The following SNAP91 variants were observed in gnomAD, a reference collection of about 807,000 sequenced individuals.
SNAP91 encodes clathrin coat assembly protein AP180.
SNAP91 carries 27 observed loss-of-function variants against 100.3 expected under a neutral mutation model. The ratio of observed to expected loss-of-function variants is 0.27; its 90% CI spans 0.20 to 0.37. The LOEUF is 0.37. SNAP91 is among the 10% of genes least tolerant of loss of function. The pLI, the probability that SNAP91 is intolerant of heterozygous loss-of-function variation, is 1.00. For missense variants in SNAP91, 986 were observed against 1,123.7 expected (o/e 0.88, Z 1.75); for synonymous variants, 404 against 398.6 (o/e 1.01, Z -0.16).
Position 83,635,945 on chromosome 6 carries a change from T to A in SNAP91, c.765+5151A>T, listed in dbSNP as rs182821167. Among the ~76,000 whole-genome samples, 277 of 152,310 alleles carry A rather than the reference T, an allele frequency of 1.8e-3. 2 individuals are homozygous for A. The highest frequency in any genetic ancestry group is 6.4e-3 in the African/African-American group (266 of 41,566). On this transcript the variant is annotated intron_variant, in intron 8 of 29. Coordinates refer to ENST00000369694, the MANE Select transcript of SNAP91 (RefSeq NM_001242792.2). ...CACTTATGAAGCTTAGTTTGGTAGGTTATGAAATTCTTAGTTGGAAATTCT... is the reference window on the plus strand; with the variant it reads ...CACTTATGAAGCTTAGTTTGGTAGGATATGAAATTCTTAGTTGGAAATTCT...
At chr6:83,578,010 C>T (rs1341448272) in intron 24 of SNAP91, among the ~76,000 whole-genome samples, 2 of 152,156 alleles carry the variant, frequency 1.3e-5, no homozygotes, top group Non-Finnish European at 2.9e-5. Flanking sequence ...TTTCACTTGG[C>T]ATGTTTTCAC....
chr6:83,571,621 T>C (rs1205973187), intron 26 of SNAP91, among the ~76,000 whole-genome samples: 1 of 152,224 alleles, frequency 6.6e-6, no homozygotes, highest in Non-Finnish European at 1.5e-5. Flanking sequence ...TTGCTTTTGA[T>C]TTTACAGGCT....
At chr6:83,559,719 G>A (rs1157298945) in intron 28 of SNAP91, among the ~76,000 whole-genome samples, 3 of 152,250 alleles carry the variant, frequency 2.0e-5, no homozygotes, top group Non-Finnish European at 4.4e-5. Flanking sequence ...TTAGTGTCAC[G>A]AGTCTTGGGT....
intron 11 of SNAP91, chr6:83,611,309 G>A (rs868520261): frequency 6.3e-6 from 2 of 318,606 alleles, no homozygotes; most frequent in South Asian, 2.4e-5. Context: ...CAGCAACTTC[G>A]ATGCTTTTTT....
intron 8 of SNAP91, among the ~76,000 whole-genome samples, chr6:83,638,981 G>A (rs2097568535): frequency 6.6e-6 from 1 of 152,148 alleles, no homozygotes; most frequent in African/African-American, 2.4e-5. Context: ...TGCCATAGGA[G>A]ACTTCAGATA....
In SNAP91 at chr6:83,678,821, T is replaced by C. The variant is rs192880969; in HGVS notation, c.131-13240A>G. 7.5e-3 allele frequency: 9,623 copies of C among 1,282,538 alleles called. 52 individuals are homozygous for C. Among genetic ancestry groups the C allele is most frequent in the Non-Finnish European group, 9.1e-3 (8,955 of 986,126 alleles). 79.4% of individuals were successfully genotyped at this position (1,282,538 alleles called of 1,614,324 possible). On this transcript the variant is annotated intron_variant, in intron 2 of 29. Coordinates refer to ENST00000369694, the MANE Select transcript of SNAP91 (RefSeq NM_001242792.2). ...CCCTCATCTTACTTCCTAGGAGGAA[T>C]CATCCAATAAAAATCCAAGTCTGTT...
chr6:83,670,667 T>C (rs1010454317), intron 2 of SNAP91, among the ~76,000 whole-genome samples: 1 of 152,006 alleles, frequency 6.6e-6, no homozygotes. Context: ...CAATAATACA[T>C]TGTTAGTTTT....
chr6:83,640,041 T>A (rs1487523823), intron 8 of SNAP91, among the ~76,000 whole-genome samples: 4 of 152,200 alleles, frequency 2.6e-5, no homozygotes, highest in African/African-American at 9.6e-5. Flanking sequence ...TGCTTTAATG[T>A]ATATACAATT....
At chr6:83,639,751 A>C (rs117173024) in intron 8 of SNAP91, among the ~76,000 whole-genome samples, 3,483 of 152,252 alleles carry the variant, frequency 0.023, 57 homozygotes, top group Admixed American at 0.038. Context: ...CCAGCTCCTT[A>C]CTTACATACA....
chr6:83,610,737 A>ATATATG (rs2095985301), intron 11 of SNAP91, 60 bp from the exon 12 acceptor site: 1 of 191,120 alleles, frequency 5.2e-6, no homozygotes, highest in African/African-American at 4.8e-5. Context: ...ATATATATAT[A>ATATATG]TATATATATA....
chr6:83,629,868 C>T (rs2097136424), intron 8 of SNAP91, among the ~76,000 whole-genome samples: 1 of 152,046 alleles, frequency 6.6e-6, no homozygotes, highest in Admixed American at 6.6e-5. Flanking sequence ...ATTGCTCTGG[C>T]TAGGACTTCC....
intron 2 of SNAP91, among the ~76,000 whole-genome samples, chr6:83,685,780 C>T (rs1264924156): frequency 6.6e-6 from 1 of 152,192 alleles, no homozygotes; most frequent in Admixed American, 6.5e-5. Flanking sequence ...ACTCTTTGAG[C>T]TGATCATTCT....
intron 2 of SNAP91, among the ~76,000 whole-genome samples, chr6:83,679,832 G>A (rs959136826): frequency 2.6e-5 from 4 of 152,116 alleles, no homozygotes; most frequent in African/African-American, 7.2e-5. Context: ...TCAGAATATA[G>A]TTCTAGAATA....
chr6:83,593,436 C>A, intron 18 of SNAP91, 42 bp downstream of exon 18: 2 of 1,543,676 alleles, frequency 1.3e-6, no homozygotes, highest in Non-Finnish European at 1.8e-6. Flanking sequence ...AGAATTCAAT[C>A]CACTAGACGG....
In SNAP91 at chr6:83,593,352, T is replaced by C. The variant is rs1378230934; in HGVS notation, c.1697-93A>G. The C allele has an allele frequency of 5.9e-6, 9 of 1,518,778 alleles. No homozygotes were observed. The East Asian group carries it at 9.8e-5, about 17-fold the overall frequency. The allele number at this position is 1,518,778 out of a possible 1,614,324, so 94.1% of individuals were successfully genotyped here. On this transcript the variant is annotated intron_variant, in intron 18 of 29. Transcript: ENST00000369694. ...GTCCTTAATTAGCACTTTGAAGAACTCTGAATTAAGCAGCAAATGGTTTCT... is the reference window on the plus strand; with the variant it reads ...GTCCTTAATTAGCACTTTGAAGAACCCTGAATTAAGCAGCAAATGGTTTCT...
chr6:83,630,238 G>A (rs2097151248), intron 8 of SNAP91, among the ~76,000 whole-genome samples: 2 of 152,106 alleles, frequency 1.3e-5, no homozygotes, highest in South Asian at 4.1e-4. Flanking sequence ...ATATGTTGTT[G>A]GATTAGTTAG....
rs781354659 is a variant in SNAP91, at chr6:83,560,168, G to T, written c.2567C>A (p.Pro856Gln). 1 of 1,613,900 alleles carries T rather than the reference G, an allele frequency of 6.2e-7. No individual in the cohort carries two copies. Among genetic ancestry groups the T allele is most frequent in the South Asian group, 1.1e-5 (1 of 91,074 alleles). ...GTGMPMMPQQPVMFAQPMMRP... is the reference protein window; with the variant it reads ...GTGMPMMPQQQVMFAQPMMRP... ...CATCATGGGCTGTGCAAACATGACC[G>T]GCTGCTGAGGCATCATGGGCATGCC... The change falls in exon 28 of 30, where the codon CCG becomes CAG. Residue 856 changes from proline (P) to glutamine (Q), a missense_variant. By Grantham distance (76) the Pro-to-Gln change is moderately conservative. Around this residue, in one of 4 missense-constraint regions of SNAP91, gnomAD observed 71 missense variants for 68.5 expected, o/e 1.04. Transcript: ENST00000369694.
intron 16 of SNAP91, among the ~76,000 whole-genome samples, chr6:83,599,592 G>A (rs377499636): frequency 3.0e-4 from 45 of 152,216 alleles, no homozygotes; most frequent in African/African-American, 1.1e-3. Flanking sequence ...GGAGAACTGA[G>A]GCCAAAGGAG....
rs2097686942 is a variant in SNAP91, at chr6:83,641,221, T to G, written c.659-19A>C. ...AACTTTTCTAGAGAAGATAAAGAGA[T>G]AAGCAATTTGAAAAGAGTATTATGT... On this transcript the variant is annotated intron_variant, in intron 7 of 29. Coordinates refer to ENST00000369694, the MANE Select transcript of SNAP91 (RefSeq NM_001242792.2). 1 of 1,148,258 alleles carries G rather than the reference T, an allele frequency of 8.7e-7. No homozygotes were observed. The highest frequency in any genetic ancestry group is 1.2e-6 in the Non-Finnish European group (1 of 820,120). The allele number at this position is 1,148,258 out of a possible 1,614,324, so 71.1% of individuals were successfully genotyped here.
Sources: allele counts gnomAD v4.1 joint callset (sites outside exome capture counted in the v4.1 genomes callset), GRCh38; gene constraint gnomAD v4.1.1; regional missense constraint gnomAD v4.1.1; transcripts MANE v1.5; gene names NCBI Gene and HGNC (gene_info 2026-07-23, HGNC 2026-07-21).